The following UVRAG variants were observed in gnomAD, a reference collection of about 807,000 sequenced individuals.
UVRAG encodes the protein UV radiation resistance-associated gene protein.
UVRAG carries 19 observed loss-of-function variants against 78.0 expected under a neutral mutation model. The observed-to-expected ratio is 0.24, with a 90% CI of 0.17 to 0.36. The LOEUF (loss-of-function observed/expected upper bound fraction) is 0.36. Among genes scored for constraint, UVRAG ranks in the 10% least tolerant of loss-of-function variants. The pLI is 1.00. For synonymous variants in UVRAG, 323 were observed against 324.6 expected (o/e 1.00, Z 0.05); for missense variants, 740 against 853.8 (o/e 0.87, Z 1.66).
At chr11:75,948,801 A>G (rs1948629452) in intron 6 of UVRAG, among the ~76,000 whole-genome samples, 1 of 152,168 alleles carries the variant, frequency 6.6e-6, no homozygotes. Flanking sequence ...CTAAAAGGTT[A>G]GTGTCCATCA....
intron 5 of UVRAG, among the ~76,000 whole-genome samples, chr11:75,904,476 C>T (rs1054546222): frequency 2.0e-5 from 3 of 152,188 alleles, no homozygotes; most frequent in African/African-American, 7.2e-5. Context: ...AGATGTCATT[C>T]AGAACAAGGC....
intron 13 of UVRAG, among the ~76,000 whole-genome samples, chr11:76,088,506 G>A (rs983285309): frequency 9.1e-4 from 15 of 16,488 alleles, no homozygotes; most frequent in Admixed American, 1.9e-3. Context: ...CCCCTCCCCC[G>A]CCTTGCAACA....
chr11:76,052,040 T>C (rs1026403462), intron 12 of UVRAG, among the ~76,000 whole-genome samples: 1 of 152,200 alleles, frequency 6.6e-6, no homozygotes, highest in Non-Finnish European at 1.5e-5. Flanking sequence ...TGTCTCCTCC[T>C]TCCACAGGGC....
chr11:76,073,778 A>G (rs968952943), intron 13 of UVRAG, among the ~76,000 whole-genome samples: 50 of 152,308 alleles, frequency 3.3e-4, no homozygotes, highest in African/African-American at 1.1e-3. Flanking sequence ...TTAAAAAGCT[A>G]TTACTTAATG....
At chr11:76,093,673 G>A (rs1353940653) in intron 13 of UVRAG, among the ~76,000 whole-genome samples, 1 of 152,144 alleles carries the variant, frequency 6.6e-6, no homozygotes, top group Non-Finnish European at 1.5e-5. Flanking sequence ...TGTTATTGGT[G>A]TATAAGAATT....
chr11:75,939,158 C>G (rs945894072), intron 6 of UVRAG, among the ~76,000 whole-genome samples: 2 of 151,844 alleles, frequency 1.3e-5, no homozygotes, highest in Admixed American at 1.3e-4. Flanking sequence ...TGGCCAGATG[C>G]GGAATAAATT....
intron 13 of UVRAG, among the ~76,000 whole-genome samples, chr11:76,094,314 A>T (rs1399775757): frequency 1.3e-5 from 2 of 152,150 alleles, no homozygotes; most frequent in Admixed American, 1.3e-4. Context: ...TTGGTTTGAA[A>T]TTCTCTTTTT....
chr11:75,841,910 C>G (rs1283121214), intron 1 of UVRAG, among the ~76,000 whole-genome samples: 1 of 152,166 alleles, frequency 6.6e-6, no homozygotes, highest in Non-Finnish European at 1.5e-5. Flanking sequence ...GCTCAGAAAT[C>G]TGCAGTTTGG....
chr11:75,893,951 G>A (rs971941658), intron 5 of UVRAG, among the ~76,000 whole-genome samples: 1 of 152,176 alleles, frequency 6.6e-6, no homozygotes, highest in African/African-American at 2.4e-5. Context: ...GTCAGGGATA[G>A]TTTTAAATGC....
chr11:75,822,202 C>A (rs1279450049), intron 1 of UVRAG, among the ~76,000 whole-genome samples: 1 of 152,056 alleles, frequency 6.6e-6, no homozygotes, highest in East Asian at 1.9e-4. Context: ...CCTTGGCCTC[C>A]CAAAGTGCTG....
intron 2 of UVRAG, among the ~76,000 whole-genome samples, chr11:75,857,873 C>T (rs1453911478): frequency 1.3e-5 from 2 of 151,682 alleles, no homozygotes; most frequent in Admixed American, 6.6e-5. Flanking sequence ...TCCTTGATCA[C>T]TGACTAACCC....
At chr11:75,821,331 G>T (rs1238789158) in intron 1 of UVRAG, among the ~76,000 whole-genome samples, 1 of 151,950 alleles carries the variant, frequency 6.6e-6, no homozygotes, top group African/African-American at 2.4e-5. Context: ...TCTCTTGATG[G>T]GTCCTTTGTT....
rs1302977995 is a variant in UVRAG, at chr11:75,888,887, C to T, written c.491C>T (p.Ala164Val). ...GGGCTGAATGATGGATACTATGGTG[C>T]TCCATTTGAACATAAGGTAAGAAGA... Reference protein sequence around the residue: ...IFGLNDGYYGAPFEHKGYSNA... With the variant: ...IFGLNDGYYGVPFEHKGYSNA... Residue 164 changes from alanine (A) to valine (V), a missense_variant, in exon 5 of 15, where the codon GCT (alanine) becomes GTT (valine). Coordinates refer to ENST00000356136, the MANE Select transcript of UVRAG (RefSeq NM_003369.4). The T allele has an allele frequency of 6.2e-7, 1 of 1,612,748 alleles. No individual in the cohort carries two copies. Among genetic ancestry groups the T allele is most frequent in the Non-Finnish European group, 8.5e-7 (1 of 1,179,362 alleles).
At chr11:76,051,253 T>C (rs1292077480) in intron 12 of UVRAG, among the ~76,000 whole-genome samples, 5 of 151,966 alleles carry the variant, frequency 3.3e-5, no homozygotes, top group African/African-American at 1.2e-4. Flanking sequence ...GTGGATTTGG[T>C]GTTTTTTTTT....
At chr11:75,860,995 G>C (rs1022317502) in intron 2 of UVRAG, among the ~76,000 whole-genome samples, 5 of 152,092 alleles carry the variant, frequency 3.3e-5, no homozygotes, top group Non-Finnish European at 7.4e-5. Flanking sequence ...TTGGCCATAA[G>C]AGCAGCATGG....
At position 75,851,884 on chromosome 11, in the gene UVRAG, G is replaced by A. The variant is rs937060110; in HGVS notation, c.119G>A (p.Arg40Gln). The A allele has an allele frequency of 3.1e-6, 5 of 1,600,172 alleles. No homozygotes were observed. The highest frequency in any genetic ancestry group is 1.8e-5 in the Admixed American group (1 of 55,698). Residue 40 changes from arginine (R) to glutamine (Q), a missense_variant and splice_region_variant, in exon 2 of 15, where the codon CGG (arginine) becomes CAG (glutamine). By Grantham distance (43) the Arg-to-Gln change is conservative (BLOSUM62 1). Coordinates refer to ENST00000356136, the MANE Select transcript of UVRAG (RefSeq NM_003369.4). ...ALHVELPSQQ[R>Q]RLRHLRNIAA... ...CTCTTTTTTGTTGTTATTTTTCAGCGGCGTCTTCGACATCTTCGGAACATT... is the reference window on the plus strand; with the variant it reads ...CTCTTTTTTGTTGTTATTTTTCAGCAGCGTCTTCGACATCTTCGGAACATT...
chr11:75,873,535 G>A (rs931918829), intron 3 of UVRAG, among the ~76,000 whole-genome samples: 1 of 152,076 alleles, frequency 6.6e-6, no homozygotes. Context: ...TCAGAGAAAC[G>A]TTAACCAGGA....
intron 3 of UVRAG, among the ~76,000 whole-genome samples, chr11:75,879,653 A>G (rs1413470940): frequency 2.0e-5 from 3 of 152,226 alleles, no homozygotes; most frequent in Non-Finnish European, 4.4e-5. Context: ...GAGTGATAGG[A>G]ATATACGCTT....
chr11:75,950,963 TACACAC>T lies in UVRAG; in HGVS notation c.594-10445_594-10440del, dbSNP rs35864936. 5.6e-3 allele frequency among the ~76,000 whole-genome samples: 778 copies of T among 140,034 alleles called. 5 individuals are homozygous for T. Among genetic ancestry groups the T allele is most frequent in the African/African-American group, 0.018 (689 of 38,106 alleles). 91.9% of individuals were successfully genotyped at this position (140,034 alleles called of 152,430 possible). A position where few individuals can be genotyped will look rare whatever the true frequency, so the allele number is the denominator to read the frequency against. ...TTGGATAGAAGTCCTTTGTCAGGTG[TACACAC>T]ACACACACACACACACACACACACA... On this transcript the variant is annotated intron_variant, in intron 6 of 14. Transcript: ENST00000356136.
Sources: gnomAD v4.1 joint callset for allele counts (sites outside exome capture counted in the v4.1 genomes callset) on GRCh38, gnomAD v4.1.1 for gene constraint, MANE v1.5 for transcripts, NCBI Gene and HGNC (gene_info 2026-07-23, HGNC 2026-07-21) for gene names.